The following CCND3 variants were observed in gnomAD, a reference collection of about 807,000 sequenced individuals.
CCND3 encodes cyclin D3, also known as G1/S-specific cyclin-D3.
A neutral mutation model predicts 28.7 loss-of-function variants in CCND3; 9 were observed. The observed-to-expected ratio is 0.31, with a 90% CI of 0.19 to 0.55. The LOEUF (loss-of-function observed/expected upper bound fraction) is 0.55. CCND3 is among the 20% of genes least tolerant of loss of function. CCND3 has a pLI of 0.93. For synonymous variants in CCND3, 164 were observed against 163.9 expected, an observed-to-expected ratio of 1.00 and a Z score of 0.00; for missense variants, 315 against 385.8, an observed-to-expected ratio of 0.82 and a Z score of 1.54.
At chr6:42,033,272 T>C (rs1764096164) in intron 1 of CCND3, among the ~76,000 whole-genome samples, 2 of 146,800 alleles carry the variant, frequency 1.4e-5, no homozygotes, top group Admixed American at 1.4e-4. Flanking sequence ...GCCAACATGG[T>C]GAAACCTCCT....
At chr6:42,001,483 C>A (rs1763010292) in intron 1 of CCND3, among the ~76,000 whole-genome samples, 1 of 152,000 alleles carries the variant, frequency 6.6e-6, no homozygotes, top group African/African-American at 2.4e-5. Context: ...AAGCCAGGCA[C>A]AAAGAGAATT....
upstream of CCND3, chr6:41,941,890 C>A (rs1776045976): frequency 4.5e-6 from 1 of 224,042 alleles, no homozygotes; most frequent in South Asian, 1.8e-4. The surrounding 1 kb of genome is among the most constrained non-coding windows in gnomAD (Gnocchi z 6.1). Flanking sequence ...GCTGCGGCGC[C>A]CCGGACGGAA....
At chr6:41,986,991 T>G (rs1366630826) in intron 1 of CCND3, among the ~76,000 whole-genome samples, 1 of 152,100 alleles carries the variant, frequency 6.6e-6, no homozygotes. Flanking sequence ...AATTAGTTGA[T>G]AAAGTCGTCT....
chr6:41,972,623 A>C (rs1762065991), intron 1 of CCND3, among the ~76,000 whole-genome samples: 1 of 152,108 alleles, frequency 6.6e-6, no homozygotes, highest in Non-Finnish European at 1.5e-5. Context: ...TGGCGCCTGG[A>C]AAGTGCACAG....
At chr6:42,006,803 G>A (rs919462552) in intron 1 of CCND3, among the ~76,000 whole-genome samples, 5 of 151,902 alleles carry the variant, frequency 3.3e-5, no homozygotes, top group Non-Finnish European at 5.9e-5. Flanking sequence ...AGCTACTCGG[G>A]AGGCTGAGGC....
chr6:41,946,240 A>G (rs1776164406), upstream of CCND3, among the ~76,000 whole-genome samples: 1 of 152,204 alleles, frequency 6.6e-6, no homozygotes, highest in Non-Finnish European at 1.5e-5. Context: ...TAAAATACAT[A>G]GAAGAGTGGC....
At chr6:41,957,648 C>T (rs1207039761) in intron 1 of CCND3, among the ~76,000 whole-genome samples, 1 of 152,178 alleles carries the variant, frequency 6.6e-6, no homozygotes, top group Admixed American at 6.5e-5. Context: ...ATGGAAATTC[C>T]TGAGGGTAGG....
chr6:42,018,579 T>C (rs947449956), intron 1 of CCND3: 3 of 152,230 alleles, frequency 2.0e-5, no homozygotes, highest in African/African-American at 4.8e-5. Context: ...TAGTTTTATA[T>C]ACCTGACACA....
chr6:41,941,682 G>A lies in CCND3; in HGVS notation c.-33C>T, dbSNP rs550237879. The A allele has an allele frequency of 2.4e-4, 316 of 1,338,344 alleles. 2 individuals carry two copies. In the South Asian group the frequency reaches 3.4e-3, roughly 14 times the overall value. The allele number at this position is 1,338,344 out of a possible 1,614,324, so 82.9% of individuals were successfully genotyped here. A position where few individuals can be genotyped will look rare whatever the true frequency, so the allele number is the denominator to read the frequency against. On this transcript the variant is annotated 5_prime_UTR_variant, in exon 1 of 5. Coordinates refer to ENST00000372991, the MANE Select transcript of CCND3 (RefSeq NM_001760.5). The surrounding 1 kb of genome is among the most constrained non-coding windows in gnomAD (Gnocchi z 6.1). ...CAGCGAACAGGCAGGGCGGGAGTGC[G>A]GGCTCGCGAGTCCCAAGGCAGGCGA...
intron 1 of CCND3, among the ~76,000 whole-genome samples, chr6:42,025,859 C>T (rs1763861102): frequency 6.6e-6 from 1 of 152,204 alleles, no homozygotes; most frequent in Non-Finnish European, 1.5e-5. Context: ...CTTTTTCACA[C>T]ACACGGAACA....
At chr6:42,017,086 A>C (rs985250792) in intron 1 of CCND3, among the ~76,000 whole-genome samples, 3 of 152,196 alleles carry the variant, frequency 2.0e-5, no homozygotes, top group African/African-American at 4.8e-5. Flanking sequence ...CACGTCCTGG[A>C]AGTACAGAGG....
At chr6:41,964,514 G>A (rs1761829561) in intron 1 of CCND3, among the ~76,000 whole-genome samples, 1 of 151,690 alleles carries the variant, frequency 6.6e-6, no homozygotes, top group Admixed American at 6.6e-5. Flanking sequence ...GTGTGTGTGT[G>A]AGTGTGTATG....
intron 1 of CCND3, among the ~76,000 whole-genome samples, chr6:42,001,521 G>A (rs1763011983): frequency 6.6e-6 from 1 of 152,126 alleles, no homozygotes; most frequent in Non-Finnish European, 1.5e-5. Context: ...TTTAGATGAG[G>A]TTCTATACAT....
At chr6:41,951,948 G>T (rs989864226) in intron 1 of CCND3, among the ~76,000 whole-genome samples, 1 of 151,892 alleles carries the variant, frequency 6.6e-6, no homozygotes, top group Admixed American at 6.6e-5. Flanking sequence ...TTTTAGTAGA[G>T]ACGCGGTTTC....
upstream of CCND3, among the ~76,000 whole-genome samples, chr6:42,049,194 C>G (rs1764650195): frequency 6.6e-6 from 1 of 152,194 alleles, no homozygotes; most frequent in African/African-American, 2.4e-5. Flanking sequence ...CGCCGCCACG[C>G]CCGGCTAATT....
intron 1 of CCND3, among the ~76,000 whole-genome samples, chr6:42,038,438 G>T (rs940792237): frequency 1.3e-5 from 2 of 151,940 alleles, no homozygotes; most frequent in Non-Finnish European, 2.9e-5. Flanking sequence ...TACTTGGGAG[G>T]TTGAGGCAGG....
chr6:42,011,539 TA>T (rs1763346880), intron 1 of CCND3, among the ~76,000 whole-genome samples: 1 of 152,164 alleles, frequency 6.6e-6, no homozygotes, highest in African/African-American at 2.4e-5. Context: ...CAGGAGATGA[TA>T]CATTTGACAT....
intron 1 of CCND3, among the ~76,000 whole-genome samples, chr6:41,980,882 C>T (rs892713528): frequency 6.6e-6 from 1 of 152,124 alleles, no homozygotes; most frequent in Admixed American, 6.6e-5. Context: ...ACTTTCTCAA[C>T]TTGATAAAGA....
rs553795484 is a variant in CCND3, at chr6:41,999,018, A to G, written c.-46+49483T>C. ...ATTATATTAACTTCCTTAATCTAAA[A>G]CCCAGAGAGGTATTACTATCCTTAT... On this transcript the variant is annotated intron_variant, in intron 1 of 4. Transcript: ENST00000372988. Among the ~76,000 whole-genome samples the G allele has an allele frequency of 7.9e-5, 12 of 152,080 alleles. No homozygotes were observed. The East Asian group carries it at 2.3e-3, about 30-fold the overall frequency.
Sources: gnomAD v4.1 joint callset for allele counts (sites outside exome capture counted in the v4.1 genomes callset) on GRCh38, gnomAD v4.1.1 for gene constraint, Gnocchi (gnomAD v3.1) non-coding constraint, MANE v1.5 for transcripts, NCBI Gene and HGNC (gene_info 2026-07-23, HGNC 2026-07-21) for gene names.